Variants in FSTL5 observed in about 807,000 individuals in gnomAD.
FSTL5 encodes follistatin like 5, also known as follistatin-related protein 5.
In FSTL5, 62 loss-of-function variants were observed where a neutral mutation model predicts 89.1. The ratio of observed to expected loss-of-function variants is 0.70; its 90% CI spans 0.57 to 0.86. The LOEUF is 0.86. FSTL5 is among the 40% of genes least tolerant of loss of function. The pLI is 0.00. For synonymous variants in FSTL5, 383 were observed against 346.2 expected, an observed-to-expected ratio of 1.11 and a Z score of -1.18; for missense variants, 1,057 against 1,001.6, an observed-to-expected ratio of 1.06 and a Z score of -0.75.
At chr4:161,759,084 T>C (rs1204071553) in intron 6 of FSTL5, among the ~76,000 whole-genome samples, 1 of 152,194 alleles carries the variant, frequency 6.6e-6, no homozygotes, top group Non-Finnish European at 1.5e-5. Flanking sequence ...TAAATAATTG[T>C]TTTTGATACA....
At chr4:161,785,036 T>C (rs1029329316) in intron 4 of FSTL5, among the ~76,000 whole-genome samples, 3 of 152,124 alleles carry the variant, frequency 2.0e-5, no homozygotes, top group Non-Finnish European at 4.4e-5. Context: ...TTTTAACTCA[T>C]TTAATCTTTA....
chr4:161,538,272 A>G lies in FSTL5; in HGVS notation c.1206T>C (p.Asn402=). 1 of 1,614,024 alleles carries G rather than the reference A, an allele frequency of 6.2e-7. No individual in the cohort carries two copies. The highest frequency in any genetic ancestry group is 8.5e-7 in the Non-Finnish European group (1 of 1,179,920). The part of the protein sequence containing the change: ...QANGSEVHIS[N]VRYEDTGAYT... The stretch of plus-strand genomic sequence containing the variant: ...ATGCTCCAGTATCTTCATAGCGCAC[A>G]TTGCTTATGTGAACCTCACTGCCAT... Residue 402 remains asparagine, a synonymous_variant, in exon 10 of 16, where the codon AAT becomes AAC. Coordinates refer to ENST00000306100, the MANE Select transcript of FSTL5 (RefSeq NM_020116.5).
At chr4:161,722,588 T>A (rs1739254137) in intron 6 of FSTL5, among the ~76,000 whole-genome samples, 1 of 152,200 alleles carries the variant, frequency 6.6e-6, no homozygotes, top group African/African-American at 2.4e-5. Context: ...ATTGCAATGA[T>A]GTATTTCCTT....
At chr4:161,950,846 G>A (rs1017594928) in intron 3 of FSTL5, among the ~76,000 whole-genome samples, 1 of 152,036 alleles carries the variant, frequency 6.6e-6, no homozygotes, top group African/African-American at 2.4e-5. Context: ...GCTTGGAGAT[G>A]GGGGCCCTTC....
chr4:161,466,703 T>C (rs1373064663), intron 13 of FSTL5, among the ~76,000 whole-genome samples: 2 of 151,992 alleles, frequency 1.3e-5, no homozygotes, highest in African/African-American at 4.8e-5. Flanking sequence ...TACAAAAACT[T>C]TGATGGTGAG....
intron 15 of FSTL5, among the ~76,000 whole-genome samples, chr4:161,415,253 T>G (rs1169679211): frequency 6.6e-6 from 1 of 152,018 alleles, no homozygotes; most frequent in Admixed American, 6.6e-5. Flanking sequence ...TCTCTTCACT[T>G]TTTTTTGGTT....
At chr4:161,856,133 T>C (rs1257546473) in intron 4 of FSTL5, among the ~76,000 whole-genome samples, 1 of 152,048 alleles carries the variant, frequency 6.6e-6, no homozygotes, top group East Asian at 1.9e-4. Context: ...TGTAATCTTT[T>C]GAGGTTGAGG....
intron 10 of FSTL5, among the ~76,000 whole-genome samples, chr4:161,537,288 A>C (rs1731653677): frequency 6.6e-6 from 1 of 152,154 alleles, no homozygotes; most frequent in South Asian, 2.1e-4. Context: ...CTCTTGCAAA[A>C]CATATATTAA....
chr4:161,417,169 TA>T (rs1203339394), intron 15 of FSTL5, among the ~76,000 whole-genome samples: 1 of 152,236 alleles, frequency 6.6e-6, no homozygotes, highest in Non-Finnish European at 1.5e-5. Flanking sequence ...AGTCTCTTTT[TA>T]TGTTGCTTAT....
intron 4 of FSTL5, among the ~76,000 whole-genome samples, chr4:161,838,451 T>A (rs554262450): frequency 3.9e-5 from 6 of 151,982 alleles, no homozygotes; most frequent in African/African-American, 1.4e-4. Flanking sequence ...CCCGGCTAAT[T>A]TTTTTTGTAT....
intron 7 of FSTL5, among the ~76,000 whole-genome samples, chr4:161,595,256 T>C (rs1043803688): frequency 2.0e-5 from 3 of 152,072 alleles, no homozygotes; most frequent in Non-Finnish European, 4.4e-5. Context: ...ATGTATGATG[T>C]TGAGGCTCAG....
At chr4:161,500,716 C>CA (rs1254393074) in intron 11 of FSTL5, among the ~76,000 whole-genome samples, 9 of 152,088 alleles carry the variant, frequency 5.9e-5, no homozygotes, top group Non-Finnish European at 1.2e-4. Context: ...TTCTATACCT[C>CA]AAAACAAATT....
chr4:161,843,439 CAGT>C (rs1041673915), intron 4 of FSTL5, among the ~76,000 whole-genome samples: 1 of 152,110 alleles, frequency 6.6e-6, no homozygotes, highest in Admixed American at 6.6e-5. Flanking sequence ...TTTCCTTGAG[CAGT>C]AGTTTGTAGT....
intron 2 of FSTL5, among the ~76,000 whole-genome samples, chr4:162,096,393 T>C (rs932228920): frequency 6.6e-6 from 1 of 151,324 alleles, no homozygotes; most frequent in Admixed American, 6.6e-5. Context: ...TATATAAATA[T>C]AAATATTTAT....
intron 3 of FSTL5, among the ~76,000 whole-genome samples, chr4:162,016,910 C>G (rs1030615890): frequency 2.6e-5 from 4 of 152,164 alleles, no homozygotes; most frequent in African/African-American, 9.7e-5. Context: ...TCTACACTAA[C>G]CATCAGGATA....
At chr4:161,556,846 G>GTGTC (rs1553997286) in intron 8 of FSTL5, among the ~76,000 whole-genome samples, 2 of 142,670 alleles carry the variant, frequency 1.4e-5, no homozygotes, top group African/African-American at 5.0e-5. Context: ...GTGTGTGTGT[G>GTGTC]TATATATATA....
chr4:161,541,713 T>C (rs906911638), intron 9 of FSTL5, among the ~76,000 whole-genome samples: 1 of 151,996 alleles, frequency 6.6e-6, no homozygotes, highest in African/African-American at 2.4e-5. Flanking sequence ...ACAAAATATG[T>C]TCATGTTTAA....
At chr4:161,578,358 T>C (rs1431458818) in intron 8 of FSTL5, among the ~76,000 whole-genome samples, 1 of 151,830 alleles carries the variant, frequency 6.6e-6, no homozygotes, top group Non-Finnish European at 1.5e-5. Context: ...TGATTAGACA[T>C]ACAGATAAAA....
chr4:161,425,848 T>C (rs924242956), intron 15 of FSTL5, among the ~76,000 whole-genome samples: 3 of 152,134 alleles, frequency 2.0e-5, no homozygotes, highest in Non-Finnish European at 2.9e-5. Context: ...TGTTCCCAAA[T>C]TCTGTTCTCT....
Sources: allele counts gnomAD v4.1 joint callset (sites outside exome capture counted in the v4.1 genomes callset), GRCh38; gene constraint gnomAD v4.1.1; transcripts MANE v1.5; gene names NCBI Gene and HGNC (gene_info 2026-07-23, HGNC 2026-07-21).